TXNRD1: variants seen among roughly 807,000 people sequenced by gnomAD.
TXNRD1 encodes thioredoxin reductase 1, cytoplasmic.
A neutral mutation model predicts 80.3 loss-of-function variants in TXNRD1; 57 were observed. The observed-to-expected ratio is 0.71, with a 90% CI of 0.57 to 0.89. The LOEUF (loss-of-function observed/expected upper bound fraction) is 0.89. Ranked by LOEUF, TXNRD1 falls within the 40% of genes least tolerant of loss-of-function variation. The pLI is 0.00. For synonymous variants in TXNRD1, 291 were observed against 285.2 expected (o/e 1.02, Z -0.20); for missense variants, 730 against 803.0 (o/e 0.91, Z 1.10).
At chr12:104,262,795 T>C (rs1043986717) in intron 3 of TXNRD1, among the ~76,000 whole-genome samples, 2 of 152,152 alleles carry the variant, frequency 1.3e-5, no homozygotes, top group Admixed American at 1.3e-4. Context: ...TTTTCTTTTT[T>C]TTCCCAGCAA....
chr12:104,218,903 C>A (rs1397954460), intron 1 of TXNRD1, among the ~76,000 whole-genome samples: 4 of 152,086 alleles, frequency 2.6e-5, no homozygotes, highest in African/African-American at 9.7e-5. Context: ...CCACTGTACC[C>A]AGCCTAGATA....
chr12:104,260,965 T>C (rs149913463), intron 3 of TXNRD1, among the ~76,000 whole-genome samples: 139 of 152,340 alleles, frequency 9.1e-4, no homozygotes, highest in Non-Finnish European at 1.5e-3. Context: ...TCTCTGAATG[T>C]GGAAAACTTG....
At chr12:104,239,223 C>G (rs2032805802) in intron 1 of TXNRD1, among the ~76,000 whole-genome samples, 1 of 146,754 alleles carries the variant, frequency 6.8e-6, no homozygotes, top group South Asian at 2.1e-4. Context: ...GACGGAGTTT[C>G]GCTCTTGCTC....
chr12:104,283,435 A>G (rs921469895), intron 3 of TXNRD1, among the ~76,000 whole-genome samples: 1 of 151,972 alleles, frequency 6.6e-6, no homozygotes, highest in Non-Finnish European at 1.5e-5. Context: ...TATTTTTAGT[A>G]GAGACGGGGT....
At chr12:104,338,434 C>T (rs1253726290) in intron 15 of TXNRD1, among the ~76,000 whole-genome samples, 1 of 151,586 alleles carries the variant, frequency 6.6e-6, no homozygotes, top group Non-Finnish European at 1.5e-5. Flanking sequence ...GTGGCTCACA[C>T]CTGTAATCCC....
chr12:104,316,367 G>T (rs2036816017), intron 7 of TXNRD1, among the ~76,000 whole-genome samples: 2 of 152,090 alleles, frequency 1.3e-5, no homozygotes, highest in Admixed American at 6.6e-5. Flanking sequence ...GAGTTTAAGA[G>T]ATTGGAATTG....
At chr12:104,303,933 TG>T in intron 4 of TXNRD1, 1 of 1,585,302 alleles carries the variant, frequency 6.3e-7, no homozygotes. Flanking sequence ...GAGGGAGCGC[TG>T]ATGAAGATGG....
intron 4 of TXNRD1, among the ~76,000 whole-genome samples, chr12:104,308,902 T>C (rs890097252): frequency 5.3e-5 from 8 of 150,052 alleles, no homozygotes; most frequent in African/African-American, 2.0e-4. Flanking sequence ...ATGTTTCTTT[T>C]TTTTTTTTTT....
intron 1 of TXNRD1, among the ~76,000 whole-genome samples, chr12:104,217,108 C>G (rs186846764): frequency 2.6e-5 from 4 of 152,228 alleles, no homozygotes; most frequent in African/African-American, 7.2e-5. Context: ...AGGGTAGGAG[C>G]AAGGTCAGGC....
chr12:104,337,594 C>CGAG (rs1008564050), intron 15 of TXNRD1, among the ~76,000 whole-genome samples: 32 of 151,826 alleles, frequency 2.1e-4, no homozygotes, highest in Non-Finnish European at 2.2e-4. Flanking sequence ...CAGTGGCTCA[C>CGAG]GCCTGTAATC....
At chr12:104,274,545 A>C (rs2033717326) in intron 3 of TXNRD1, among the ~76,000 whole-genome samples, 1 of 151,908 alleles carries the variant, frequency 6.6e-6, no homozygotes, top group African/African-American at 2.4e-5. Flanking sequence ...AAATACAAAA[A>C]AAAATTAGCT....
At chr12:104,264,791 C>T (rs1016351479) in intron 3 of TXNRD1, among the ~76,000 whole-genome samples, 6 of 152,028 alleles carry the variant, frequency 3.9e-5, no homozygotes, top group South Asian at 2.1e-4. Flanking sequence ...TTTCTTTGTA[C>T]GTGAAGTTTT....
chr12:104,302,486 CT>C (rs772202256), intron 4 of TXNRD1, among the ~76,000 whole-genome samples: 67 of 76,234 alleles, frequency 8.8e-4, no homozygotes, highest in East Asian at 6.6e-3. Context: ...TATTCATTCC[CT>C]TTTTTTTTTT....
At chr12:104,267,711 TTCTTTCTTTCTC>T (rs1565870353) in intron 3 of TXNRD1, among the ~76,000 whole-genome samples, 5 of 57,456 alleles carry the variant, frequency 8.7e-5, no homozygotes, top group African/African-American at 2.3e-4. Context: ...CTCTCTTTCT[TTCTTTCTTTCTC>T]TTTCTTTCTT....
chr12:104,324,091 C>T (rs1252572820), intron 10 of TXNRD1, among the ~76,000 whole-genome samples: 1 of 152,214 alleles, frequency 6.6e-6, no homozygotes, highest in African/African-American at 2.4e-5. Flanking sequence ...ACCAAAAAGG[C>T]CTGATTGAAG....
chr12:104,332,749 CAAAAA>C (rs34106883), intron 14 of TXNRD1, among the ~76,000 whole-genome samples: 2 of 76,732 alleles, frequency 2.6e-5, no homozygotes, highest in African/African-American at 1.0e-4. Context: ...AACTCCGTCT[CAAAAA>C]AAAAAAAAAA....
chr12:104,331,032 C>G (rs1352718264), intron 13 of TXNRD1, among the ~76,000 whole-genome samples: 1 of 151,612 alleles, frequency 6.6e-6, no homozygotes, highest in Non-Finnish European at 1.5e-5. Flanking sequence ...ATATATCGTA[C>G]TATATATCTA....
chr12:104,318,840 A>T, intron 7 of TXNRD1, 73 bp from the exon 8 acceptor site: 2 of 1,523,246 alleles, frequency 1.3e-6, no homozygotes, highest in South Asian at 1.2e-5. Context: ...ATTTCACTTG[A>T]GTGGTTATTG....
chr12:104,252,884 A>G (rs2033159636), intron 2 of TXNRD1, among the ~76,000 whole-genome samples: 1 of 150,638 alleles, frequency 6.6e-6, no homozygotes, highest in African/African-American at 2.4e-5. Context: ...TTGTATTTTT[A>G]GTACAGACGG....
Sources: allele counts gnomAD v4.1 joint callset (sites outside exome capture counted in the v4.1 genomes callset), GRCh38; gene constraint gnomAD v4.1.1; transcripts MANE v1.5; gene names NCBI Gene and HGNC (gene_info 2026-07-23, HGNC 2026-07-21).